KIAA0319L: variants seen among roughly 807,000 people sequenced by gnomAD.
KIAA0319L encodes the protein dyslexia-associated protein KIAA0319-like protein.
Under a neutral mutation model 120.1 loss-of-function variants are expected in KIAA0319L, and 55 were observed. The observed-to-expected ratio is 0.46, with a 90% CI of 0.37 to 0.57. The LOEUF is 0.57. Ranked by LOEUF, KIAA0319L falls within the 20% of genes least tolerant of loss-of-function variation. KIAA0319L has a pLI of 0.00. For synonymous variants in KIAA0319L, 398 were observed against 471.9 expected (o/e 0.84, Z 2.03); for missense variants, 1,049 against 1,255.3 (o/e 0.84, Z 2.48).
At chr1:35,444,476 G>A (rs575910454) in intron 16 of KIAA0319L, among the ~76,000 whole-genome samples, 173 bp from the exon 17 acceptor site, 2 of 152,302 alleles carry the variant, frequency 1.3e-5, no homozygotes, top group Non-Finnish European at 2.9e-5. Flanking sequence ...ATTTTACAGA[G>A]AACAACACTG....
intron 6 of KIAA0319L, among the ~76,000 whole-genome samples, chr1:35,469,673 T>A (rs977330417): frequency 6.6e-6 from 1 of 151,910 alleles, no homozygotes; most frequent in Non-Finnish European, 1.5e-5. Context: ...CAAGGCTTCA[T>A]TGACCCTCTG....
chr1:35,455,089 A>G (rs185938501), intron 10 of KIAA0319L, among the ~76,000 whole-genome samples: 4 of 152,222 alleles, frequency 2.6e-5, no homozygotes, highest in Non-Finnish European at 5.9e-5. Context: ...TTTTGGGCAA[A>G]CTTCCAATGC....
intron 2 of KIAA0319L, among the ~76,000 whole-genome samples, chr1:35,523,979 A>T (rs1425521438): frequency 6.6e-6 from 1 of 152,200 alleles, no homozygotes; most frequent in Non-Finnish European, 1.5e-5. Flanking sequence ...AATGAGACTG[A>T]CAAATCATAA....
chr1:35,490,583 T>C (rs570964069), intron 3 of KIAA0319L, among the ~76,000 whole-genome samples: 345 of 152,304 alleles, frequency 2.3e-3, no homozygotes, highest in Non-Finnish European at 3.8e-3. Context: ...AACTGGTAGA[T>C]AGGGATATTA....
At position 35,536,887 on chromosome 1, in the gene KIAA0319L, AC is replaced by A. The variant is rs1204361966; in HGVS notation, c.142+17462del. ...AAGCTATGCACTTAAAAAAAAAAAA[AC>A]AACTGTAACTAGGGGGTTACACTGC... On this transcript the variant is annotated intron_variant, in intron 2 of 20. Transcript: ENST00000325722. 3.3e-5 allele frequency among the ~76,000 whole-genome samples: 5 copies of A among 151,446 alleles called. No homozygotes were observed. In the East Asian group the frequency reaches 9.7e-4, roughly 29 times the overall value.
intron 2 of KIAA0319L, 87 bp from the exon 3 acceptor site, chr1:35,507,222 G>A: frequency 7.4e-7 from 1 of 1,353,126 alleles, no homozygotes; most frequent in South Asian, 1.7e-5. Context: ...AACATTTGAG[G>A]TTATTTTGAA....
At chr1:35,464,012 C>T (rs901017192) in intron 7 of KIAA0319L, among the ~76,000 whole-genome samples, 1 of 152,162 alleles carries the variant, frequency 6.6e-6, no homozygotes, top group South Asian at 2.1e-4. Context: ...TCCCCAGCCA[C>T]GTGCTACTCT....
Position 35,506,526 on chromosome 1 carries a change from C to T in KIAA0319L, c.666+86G>A, listed in dbSNP as rs1165524128. 11 of 1,335,808 alleles carry T rather than the reference C, an allele frequency of 8.2e-6. No homozygotes were observed. In the East Asian group the frequency reaches 9.2e-5, roughly 11 times the overall value. The allele number at this position is 1,335,808 out of a possible 1,614,324, so 82.7% of individuals were successfully genotyped here. On this transcript the variant is annotated intron_variant, in intron 3 of 20. Transcript: ENST00000325722. The surrounding 1 kb of genome is among the most constrained non-coding windows in gnomAD (Gnocchi z 4.0). ...CACTCCTCAGCCTATGAGCACTGCCCGCAAGCATCAGCTTCATTGCTCATA... is the reference window on the plus strand; with the variant it reads ...CACTCCTCAGCCTATGAGCACTGCCTGCAAGCATCAGCTTCATTGCTCATA...
upstream of KIAA0319L, chr1:35,557,643 T>G (rs1051886119): frequency 2.2e-6 from 1 of 456,358 alleles, no homozygotes; most frequent in Non-Finnish European, 4.4e-6. Context: ...GCCCCCAGAC[T>G]CGGGCAATAC....
In KIAA0319L at chr1:35,506,573, T is replaced by C; in HGVS notation, c.666+39A>G. 1.9e-6 allele frequency: 3 copies of C among 1,560,908 alleles called. No individual in the cohort carries two copies. Among genetic ancestry groups the C allele is most frequent in the Non-Finnish European group, 2.6e-6 (3 of 1,148,230 alleles). On this transcript the variant is annotated intron_variant, in intron 3 of 20. Transcript: ENST00000325722. This position sits in a 1 kb window ranked among gnomAD's most constrained non-coding sequence, Gnocchi z 4.0. Reference sequence around the variant, plus strand: ...CATATATACCAAATGTAAGAGCAGATTTAACCATTTCTCTGCTCCTTATTC... The same window carrying C: ...CATATATACCAAATGTAAGAGCAGACTTAACCATTTCTCTGCTCCTTATTC...
intron 2 of KIAA0319L, among the ~76,000 whole-genome samples, chr1:35,516,324 C>T (rs986409009): frequency 6.6e-6 from 1 of 152,152 alleles, no homozygotes; most frequent in Non-Finnish European, 1.5e-5. Flanking sequence ...AAACTGAATC[C>T]AGCAGCACAT....
intron 2 of KIAA0319L, among the ~76,000 whole-genome samples, chr1:35,550,472 GT>G (rs1647159346): frequency 6.6e-6 from 1 of 152,076 alleles, no homozygotes; most frequent in African/African-American, 2.4e-5. Context: ...CAAGTAGGTT[GT>G]TTTCCCCCTT....
At chr1:35,473,592 A>G (rs762317651) in intron 5 of KIAA0319L, among the ~76,000 whole-genome samples, 2 of 152,134 alleles carry the variant, frequency 1.3e-5, no homozygotes, top group African/African-American at 2.4e-5. Context: ...ACTAAACCCA[A>G]TCACCTTAAC....
chr1:35,448,126 G>A (rs1295593192), intron 16 of KIAA0319L, 47 bp downstream of exon 16: 1 of 1,522,874 alleles, frequency 6.6e-7, no homozygotes, highest in Admixed American at 2.2e-5. Flanking sequence ...AAGAAGCCCG[G>A]GGGCCCCTGG....
intron 3 of KIAA0319L, among the ~76,000 whole-genome samples, chr1:35,500,329 C>T (rs1008887681): frequency 7.9e-5 from 12 of 152,292 alleles, no homozygotes; most frequent in Middle Eastern, 6.8e-3. Flanking sequence ...CGTTCCAGGA[C>T]CCAATCAACA....
In KIAA0319L at chr1:35,512,699, T is replaced by C. The variant is rs1272545110; in HGVS notation, c.143-5564A>G. ...GCCTGGCCAACATGGTGAAACCCCATCTCTACTAAAAATACAAAAATTAAC... is the reference window on the plus strand; with the variant it reads ...GCCTGGCCAACATGGTGAAACCCCACCTCTACTAAAAATACAAAAATTAAC... On this transcript the variant is annotated intron_variant, in intron 2 of 20. Coordinates refer to ENST00000325722, the MANE Select transcript of KIAA0319L (RefSeq NM_024874.5). 2.6e-5 allele frequency among the ~76,000 whole-genome samples: 4 copies of C among 151,848 alleles called. No homozygotes were observed. In the South Asian group the frequency reaches 8.3e-4, roughly 32 times the overall value.
intron 2 of KIAA0319L, among the ~76,000 whole-genome samples, chr1:35,543,720 C>A (rs947247529): frequency 3.9e-5 from 6 of 151,986 alleles, no homozygotes; most frequent in African/African-American, 1.5e-4. Flanking sequence ...GGTATGAGAA[C>A]AACAACAACA....
At chr1:35,436,207 T>C (rs1435530312) in intron 20 of KIAA0319L, among the ~76,000 whole-genome samples, 3 of 152,138 alleles carry the variant, frequency 2.0e-5, no homozygotes, top group Non-Finnish European at 4.4e-5. Flanking sequence ...GACTTAAGGG[T>C]GGCAGTGCCC....
At chr1:35,521,991 ATAAAT>A (rs1387879860) in intron 2 of KIAA0319L, among the ~76,000 whole-genome samples, 1 of 152,096 alleles carries the variant, frequency 6.6e-6, no homozygotes, top group Non-Finnish European at 1.5e-5. Flanking sequence ...AAAATAAAAA[ATAAAT>A]AAAGAAGGAA....
Sources: allele counts gnomAD v4.1 joint callset (sites outside exome capture counted in the v4.1 genomes callset), GRCh38; gene constraint gnomAD v4.1.1; non-coding constraint Gnocchi (gnomAD v3.1); transcripts MANE v1.5; gene names NCBI Gene and HGNC (gene_info 2026-07-23, HGNC 2026-07-21).